Variants in MIA2 observed in about 807,000 individuals in gnomAD.
MIA2 encodes MIA SH3 domain ER export factor 2, also known as melanoma inhibitory activity protein 2.
In MIA2, 127 loss-of-function variants were observed where a neutral mutation model predicts 167.8. That is an observed-to-expected ratio of 0.76 (90% CI 0.66 to 0.88). The LOEUF is 0.88. Ranked by LOEUF, MIA2 falls within the 40% of genes least tolerant of loss-of-function variation. MIA2 has a pLI of 0.00. For synonymous variants in MIA2, 552 were observed against 541.9 expected, an observed-to-expected ratio of 1.02 and a Z score of -0.26; for missense variants, 1,690 against 1,624.7, an observed-to-expected ratio of 1.04 and a Z score of -0.69.
At chr14:39,362,280 A>C (rs915797459) in intron 23 of MIA2, among the ~76,000 whole-genome samples, 2 of 152,084 alleles carry the variant, frequency 1.3e-5, no homozygotes, top group Non-Finnish European at 2.9e-5. Context: ...ATTCTTTATA[A>C]GTTTGCTAGA....
chr14:39,338,002 C>T (rs977573195), intron 25 of MIA2, among the ~76,000 whole-genome samples: 4 of 152,258 alleles, frequency 2.6e-5, no homozygotes, highest in South Asian at 4.1e-4. Context: ...GGATTACAGG[C>T]GTGAGCCACT....
chr14:39,316,439 G>A (rs776253957), intron 21 of MIA2, among the ~76,000 whole-genome samples: 45 of 152,296 alleles, frequency 3.0e-4, no homozygotes, highest in Middle Eastern at 3.4e-3. Flanking sequence ...GTTTTCTTAC[G>A]TGTAAGATAG....
In MIA2 at chr14:39,328,130, G is replaced by A. The variant is rs1595675963; in HGVS notation, c.3655+1108G>A. 2.6e-5 allele frequency among the ~76,000 whole-genome samples: 4 copies of A among 152,284 alleles called. No individual in the cohort carries two copies. The East Asian group carries it at 7.7e-4, about 29-fold the overall frequency. ...TTTCTTCACATCCTCTGCAGCATCT[G>A]TAGTTTCCTGACTTTTTAATGATCA... On this transcript the variant is annotated intron_variant, in intron 25 of 28. Coordinates refer to ENST00000640607, the MANE Select transcript of MIA2 (RefSeq NM_001329214.4).
chr14:39,274,701 C>T (rs1324821086), intron 6 of MIA2, among the ~76,000 whole-genome samples: 4 of 151,142 alleles, frequency 2.6e-5, no homozygotes, highest in Non-Finnish European at 4.4e-5. Context: ...GCTGGGATTA[C>T]AGGCCTGAGC....
chr14:39,273,102 TTTC>T (rs1183657105), intron 6 of MIA2, among the ~76,000 whole-genome samples: 1 of 152,214 alleles, frequency 6.6e-6, no homozygotes, highest in Admixed American at 6.5e-5. Context: ...TCAAACAGTT[TTTC>T]TTCTTCCTTT....
chr14:39,355,053 G>C (rs1381203352), downstream of MIA2, among the ~76,000 whole-genome samples: 1 of 135,870 alleles, frequency 7.4e-6, no homozygotes, highest in Non-Finnish European at 1.6e-5. Context: ...GGTTCTTTTG[G>C]TTCCATATGA....
At chr14:39,362,738 C>T (rs1201494678) in intron 23 of MIA2, among the ~76,000 whole-genome samples, 1 of 151,798 alleles carries the variant, frequency 6.6e-6, no homozygotes, top group Non-Finnish European at 1.5e-5. Context: ...TTGGTTTGTT[C>T]TTGCTTTTCT....
chr14:39,315,706 A>G lies in MIA2; in HGVS notation c.3204A>G (p.Ala1068=), dbSNP rs1391449012. The G allele has an allele frequency of 6.4e-7, 1 of 1,554,548 alleles. No individual in the cohort carries two copies. The change falls in exon 21 of 29, where the codon GCA becomes GCG. Residue 1068 remains alanine (A), a synonymous_variant. Transcript: ENST00000640607. ...QGQIISHEKK[A]HDNWLAARNA... is the part of the protein sequence containing the mutation. ...AGATTATTTCCCATGAGAAAAAAGC[A>G]CATGATAATTGGGTAAGTTTAAAAT...
chr14:39,386,139 A>G lies in MIA2; in HGVS notation c.2249-746A>G, dbSNP rs1382435186. Reference sequence around the variant, plus strand: ...AGCATTGGTCATCTGACTCTGAACTAGAGTCTGAAATAGGAAGATGTTGTT... The same window carrying G: ...AGCATTGGTCATCTGACTCTGAACTGGAGTCTGAAATAGGAAGATGTTGTT... On this transcript the variant is annotated intron_variant, in intron 23 of 23. Coordinates refer to the MIA2 transcript ENST00000341502. 6.8e-6 allele frequency: 9 copies of G among 1,325,458 alleles called. No homozygotes were observed. In the East Asian group the frequency reaches 1.8e-4, roughly 27 times the overall value. The allele number at this position is 1,325,458 out of a possible 1,614,324, so 82.1% of individuals were successfully genotyped here.
chr14:39,263,142 GGCTGTGGGTTTGTCATAAATA>G (rs1410500915), intron 6 of MIA2, among the ~76,000 whole-genome samples: 2 of 152,128 alleles, frequency 1.3e-5, no homozygotes, highest in African/African-American at 4.8e-5. Flanking sequence ...GTATGATATT[GGCTGTGGGTTTGTCATAAATA>G]GCTCTTATTA....
At chr14:39,234,733 CTAAA>C (rs1302264138) in intron 1 of MIA2, among the ~76,000 whole-genome samples, 1 of 152,008 alleles carries the variant, frequency 6.6e-6, no homozygotes, top group African/African-American at 2.4e-5. Context: ...CTAAACTTTA[CTAAA>C]TGTTAATCAT....
intron 6 of MIA2, among the ~76,000 whole-genome samples, chr14:39,261,464 C>G (rs973949548): frequency 6.6e-6 from 1 of 152,140 alleles, no homozygotes; most frequent in Admixed American, 6.5e-5. Flanking sequence ...GTGCAGGTGC[C>G]TTTATAGCAG....
intron 13 of MIA2, among the ~76,000 whole-genome samples, chr14:39,298,407 T>G (rs2061734432): frequency 2.0e-5 from 1 of 50,420 alleles, no homozygotes; most frequent in Admixed American, 2.4e-4. Flanking sequence ...ATCATCTGAT[T>G]CTGTTTTATA....
At position 39,261,322 on chromosome 14, in the gene MIA2, TC is replaced by T. The variant is rs1215152848; in HGVS notation, c.1887+8153del. Among the ~76,000 whole-genome samples the T allele has an allele frequency of 1.5e-4, 23 of 152,294 alleles. 1 individual carries two copies. The highest frequency in any genetic ancestry group is 5.1e-4 in the African/African-American group (21 of 41,536). ...TGTCCCTACAAAGGACATGAACTCA[TC>T]CTTTTTTATGGCTGCATAGTATTCC... On this transcript the variant is annotated intron_variant, in intron 6 of 28. Transcript: ENST00000640607.
At chr14:39,304,719 T>A (rs960954945) in intron 17 of MIA2, among the ~76,000 whole-genome samples, 41 of 152,208 alleles carry the variant, frequency 2.7e-4, no homozygotes, top group African/African-American at 9.4e-4. Context: ...AAAGTCTTTG[T>A]TAATTGAAAA....
exon 24 of MIA2, chr14:39,387,400 A>AC (rs2075287169): frequency 6.5e-6 from 1 of 154,164 alleles, no homozygotes; most frequent in East Asian, 1.9e-4. Flanking sequence ...GGAAGAGGTC[A>AC]CCGCATATGT....
At chr14:39,356,310 A>G (rs946218748), downstream of MIA2, among the ~76,000 whole-genome samples, 2 of 152,182 alleles carry the variant, frequency 1.3e-5, no homozygotes, top group African/African-American at 4.8e-5. Flanking sequence ...GAATTTATCC[A>G]TTTCTTCCAG....
At chr14:39,331,828 G>C (rs1401699407) in intron 25 of MIA2, among the ~76,000 whole-genome samples, 2 of 152,244 alleles carry the variant, frequency 1.3e-5, no homozygotes, top group Admixed American at 6.5e-5. Context: ...TCCGCTGTTA[G>C]TCTGATGGGC....
rs531824666 is a variant in MIA2 at position 39,270,661 on chromosome 14, T to G, written c.1888-6273T>G. ...CTCCTGCCTCAGCCTTCCAGAGTGC[T>G]GGTGTTACAGATGTGAGCCACCACA... On this transcript the variant is annotated intron_variant, in intron 6 of 28. Coordinates refer to ENST00000640607, the MANE Select transcript of MIA2 (RefSeq NM_001329214.4). 5.9e-5 allele frequency among the ~76,000 whole-genome samples: 9 copies of G among 152,346 alleles called. No individual in the cohort carries two copies. The South Asian group carries it at 1.9e-3, about 32-fold the overall frequency.
Sources: gnomAD v4.1 joint callset for allele counts (sites outside exome capture counted in the v4.1 genomes callset) on GRCh38, gnomAD v4.1.1 for gene constraint, MANE v1.5 for transcripts, NCBI Gene and HGNC (gene_info 2026-07-23, HGNC 2026-07-21) for gene names.